The following DDTL variants were observed in gnomAD, a reference collection of about 807,000 sequenced individuals.
The protein encoded by DDTL is putative D-dopachrome decarboxylase-like protein.
A neutral mutation model predicts 1.1 loss-of-function variants in DDTL; 1 was observed. That is an observed-to-expected ratio of 0.91 (90% CI 0.32 to 4.31). The LOEUF is 4.31. DDTL is among the 30% of genes most tolerant of loss of function. The probability of loss-of-function intolerance (pLI) is 0.17; values close to 1 mark genes in which losing one functional copy is unlikely to be tolerated. For missense variants in DDTL, 54 were observed against 48.9 expected, an observed-to-expected ratio of 1.10 and a Z score of -0.31; for synonymous variants, 21 against 16.6, an observed-to-expected ratio of 1.26 and a Z score of -0.64.
Position 23,972,129 on chromosome 22 carries a change from T to G in DDTL, c.*723T>G, listed in dbSNP as rs1027883511. On this transcript the variant is annotated 3_prime_UTR_variant, in exon 3 of 3. Transcript: ENST00000215770. ...AGCCTGGTTGGGGCGGGCGGGAGTA[T>G]GAACAGCCTGTCTTCTCATCATAAA... 1 of 982,002 alleles carries G rather than the reference T, an allele frequency of 1.0e-6. No individual in the cohort carries two copies. The highest frequency in any genetic ancestry group is 1.2e-6 in the Non-Finnish European group (1 of 827,090). 60.8% of individuals were successfully genotyped at this position (982,002 alleles called of 1,614,324 possible). A position where few individuals can be genotyped will look rare whatever the true frequency, so the allele number is the denominator to read the frequency against.
At chr22:23,971,015 C>T (rs893418570) in intron 2 of DDTL, among the ~76,000 whole-genome samples, 1 of 151,694 alleles carries the variant, frequency 6.6e-6, no homozygotes, top group African/African-American at 2.4e-5. Context: ...ACAGGCAACC[C>T]CTGCCTCCAC....
At position 23,971,463 on chromosome 22, in the gene DDTL, C is replaced by A. The variant is rs74372366; in HGVS notation, c.*57C>A. On this transcript the variant is annotated 3_prime_UTR_variant, in exon 3 of 3. Coordinates refer to ENST00000215770, the MANE Select transcript of DDTL (RefSeq NM_001084393.2). ...ATGTTGCATGCGGGATAATCCAAAG[C>A]TGGTTATCTCCAGGCCCTCACTCTG... 592 of 1,606,628 alleles carry A rather than the reference C, an allele frequency of 3.7e-4. 1 individual carries two copies. The African/African-American group carries it at 5.8e-3, about 16-fold the overall frequency.
At chr22:23,970,467 TGTGA>T (rs1190337463) in intron 2 of DDTL, among the ~76,000 whole-genome samples, 4 of 152,026 alleles carry the variant, frequency 2.6e-5, no homozygotes, top group Admixed American at 6.6e-5. Flanking sequence ...TATGTGTGTG[TGTGA>T]GTGAACTGTG....
chr22:23,971,714 C>A lies in DDTL; in HGVS notation c.*308C>A. 8.5e-7 allele frequency: 1 copy of A among 1,180,740 alleles called. No homozygotes were observed. Among genetic ancestry groups the A allele is most frequent in the Non-Finnish European group, 1.2e-6 (1 of 825,366 alleles). The allele number at this position is 1,180,740 out of a possible 1,614,324, so 73.1% of individuals were successfully genotyped here. Reference sequence around the variant, plus strand: ...GCCAGGTACTCCCACTGTGGGTACTCAGGACAGCCTGCCTCAGTCCACCAG... The same window carrying A: ...GCCAGGTACTCCCACTGTGGGTACTAAGGACAGCCTGCCTCAGTCCACCAG... On this transcript the variant is annotated 3_prime_UTR_variant, in exon 3 of 3. Transcript: ENST00000215770.
chr22:23,970,082 T>C (rs1331313590), intron 2 of DDTL, among the ~76,000 whole-genome samples: 2 of 152,122 alleles, frequency 1.3e-5, no homozygotes, highest in Non-Finnish European at 2.9e-5. Flanking sequence ...CTTGGGCTAG[T>C]GCTGGAGGCA....
intron 2 of DDTL, chr22:23,969,934 C>T (rs1266615560): frequency 1.9e-5 from 16 of 844,780 alleles, no homozygotes; most frequent in South Asian, 1.1e-4. Flanking sequence ...AGAGCGACCT[C>T]GGCTGAACTA....
intron 2 of DDTL, 91 bp from the exon 3 acceptor site, chr22:23,971,195 C>A: frequency 6.6e-7 from 1 of 1,514,206 alleles, no homozygotes; most frequent in Non-Finnish European, 8.8e-7. Context: ...CTCACACCTT[C>A]CCACAGGCCT....
At position 23,972,316 on chromosome 22, in the gene DDTL, A is replaced by C. The variant is rs994820431; in HGVS notation, c.*910A>C. ...GTATAACACTTGTTGTTAGAGTAACAGTTTTCCCTGAGTATCCGTGGGAGA... is the reference window on the plus strand; with the variant it reads ...GTATAACACTTGTTGTTAGAGTAACCGTTTTCCCTGAGTATCCGTGGGAGA... On this transcript the variant is annotated 3_prime_UTR_variant, in exon 3 of 3. Transcript: ENST00000215770. 227 of 760,606 alleles carry C rather than the reference A, an allele frequency of 3.0e-4. 1 individual carries two copies. Among genetic ancestry groups the C allele is most frequent in the Admixed American group, 2.9e-3 (45 of 15,648 alleles). The allele number at this position is 760,606 out of a possible 1,614,324, so 47.1% of individuals were successfully genotyped here. A position where few individuals can be genotyped will look rare whatever the true frequency, so the allele number is the denominator to read the frequency against.
Position 23,971,361 on chromosome 22 carries a change from G to C in DDTL, c.360G>C (p.Lys120Asn). The C allele has an allele frequency of 6.2e-7, 1 of 1,614,184 alleles. No individual in the cohort carries two copies. The change falls in exon 3 of 3, where the codon AAG becomes AAC. Residue 120 changes from lysine (K) to asparagine (N), a missense_variant. Transcript: ENST00000215770. ...PRCPGEIIEGKKSCLNEEALF... is the reference protein window; with the variant it reads ...PRCPGEIIEGNKSCLNEEALF... The stretch of plus-strand genomic sequence containing the variant: ...GCCCAGGAGAGATAATAGAAGGTAA[G>C]AAGTCATGTTTGAATGAGGAAGCTC...
intron 2 of DDTL, among the ~76,000 whole-genome samples, chr22:23,970,595 TTA>T (rs1240759094): frequency 6.6e-6 from 1 of 151,952 alleles, no homozygotes; most frequent in African/African-American, 2.4e-5. Context: ...TGTGAGTGAA[TTA>T]TGTGACTGGG....
rs2033920891 is a variant in DDTL at position 23,972,250 on chromosome 22, T to C, written c.*844T>C. ...GGATTGTAAGGATCAAATGGGATCA[T>C]GAGTGTAAAGTACCTGTAGAGGACC... On this transcript the variant is annotated 3_prime_UTR_variant, in exon 3 of 3. Coordinates refer to ENST00000215770, the MANE Select transcript of DDTL (RefSeq NM_001084393.2). 2 of 963,862 alleles carry C rather than the reference T, an allele frequency of 2.1e-6. No homozygotes were observed. Among genetic ancestry groups the C allele is most frequent in the Non-Finnish European group, 2.5e-6 (2 of 811,924 alleles). 59.7% of individuals were successfully genotyped at this position (963,862 alleles called of 1,614,324 possible).
chr22:23,969,625 A>C, intron 2 of DDTL: 1 of 984,988 alleles, frequency 1.0e-6, no homozygotes, highest in Non-Finnish European at 1.2e-6. Flanking sequence ...ATTCAAGACC[A>C]CCCTGGGAAA....
At chr22:23,970,167 T>A (rs1358051432) in intron 2 of DDTL, among the ~76,000 whole-genome samples, 1 of 151,918 alleles carries the variant, frequency 6.6e-6, no homozygotes, top group Non-Finnish European at 1.5e-5. Flanking sequence ...AAGGCGGAGG[T>A]GACACTGGGA....
At chr22:23,971,237 C>G (rs1301968901) in intron 2 of DDTL, 49 bp from the exon 3 acceptor site, 1 of 1,560,996 alleles carries the variant, frequency 6.4e-7, no homozygotes, top group Non-Finnish European at 8.7e-7. Flanking sequence ...AGCCTCCAGG[C>G]TGAGTCTCCC....
chr22:23,970,265 CTGTGTGTGAGTGAAT>C (rs1257819859), intron 2 of DDTL, among the ~76,000 whole-genome samples: 1 of 151,974 alleles, frequency 6.6e-6, no homozygotes, highest in Non-Finnish European at 1.5e-5. Context: ...TGTCAGTGAA[CTGTGTGTGAGTGAAT>C]TGTGTGTTTA....
At chr22:23,969,201 AT>A (rs1184820686) in intron 2 of DDTL, 38 of 985,358 alleles carry the variant, frequency 3.9e-5, no homozygotes, top group Non-Finnish European at 4.5e-5. Context: ...AAGGCTCTTC[AT>A]ACTCCCCCGC....
rs565392693 is a variant in DDTL at position 23,970,629 on chromosome 22, G to A, written c.285-657G>A. Among the ~76,000 whole-genome samples the A allele has an allele frequency of 3.2e-3, 489 of 152,222 alleles. 2 individuals carry two copies. The highest frequency in any genetic ancestry group is 0.011 in the African/African-American group (461 of 41,528). On this transcript the variant is annotated intron_variant, in intron 2 of 2. Coordinates refer to ENST00000215770, the MANE Select transcript of DDTL (RefSeq NM_001084393.2). ...TGGGTGTATATGTGTGTGTACATGA[G>A]TTAACTGTGTGTAAATGGTATGATT...
chr22:23,970,344 G>A (rs753284798), intron 2 of DDTL, among the ~76,000 whole-genome samples: 5 of 152,118 alleles, frequency 3.3e-5, no homozygotes, highest in African/African-American at 9.7e-5. Flanking sequence ...GGGTGTATAC[G>A]TGAATTTTAG....
chr22:23,971,443 G>C lies in DDTL; in HGVS notation c.*37G>C. The C allele has an allele frequency of 6.2e-7, 1 of 1,609,342 alleles. No individual in the cohort carries two copies. Among genetic ancestry groups the C allele is most frequent in the Non-Finnish European group, 8.5e-7 (1 of 1,177,026 alleles). On this transcript the variant is annotated 3_prime_UTR_variant, in exon 3 of 3. Transcript: ENST00000215770. Reference sequence around the variant, plus strand: ...AGGATTATGTGATCACAGGAATGTTGCATGCGGGATAATCCAAAGCTGGTT... The same window carrying C: ...AGGATTATGTGATCACAGGAATGTTCCATGCGGGATAATCCAAAGCTGGTT...
Sources: allele counts gnomAD v4.1 joint callset (sites outside exome capture counted in the v4.1 genomes callset), GRCh38; gene constraint gnomAD v4.1.1; transcripts MANE v1.5; gene names NCBI Gene and HGNC (gene_info 2026-07-23, HGNC 2026-07-21).